The following TMEM117 variants were observed in gnomAD, a reference collection of about 807,000 sequenced individuals.
TMEM117 encodes the protein transmembrane protein 117.
Under a neutral mutation model 52.4 loss-of-function variants are expected in TMEM117, and 27 were observed. The ratio of observed to expected loss-of-function variants is 0.51; its 90% confidence interval spans 0.38 to 0.71. TMEM117 has a LOEUF of 0.71. TMEM117 is among the 30% of genes least tolerant of loss of function. The pLI is 0.00. For missense variants in TMEM117, 556 were observed against 630.5 expected (o/e 0.88, Z 1.26); for synonymous variants, 215 against 206.3 (o/e 1.04, Z -0.36).
chr12:43,926,824 TTTC>T, intron 2 of TMEM117, among the ~76,000 whole-genome samples: 1 of 152,270 alleles, frequency 6.6e-6, no homozygotes, highest in Middle Eastern at 3.4e-3. Flanking sequence ...TTATCTCTTT[TTTC>T]TTCATCAGTC....
Position 44,130,755 on chromosome 12 carries a change from TG to T in TMEM117, c.411-12769del, listed in dbSNP as rs1400838868. Among the ~76,000 whole-genome samples the T allele has an allele frequency of 1.6e-4, 24 of 152,160 alleles. No homozygotes were observed. The East Asian group carries it at 1.7e-3, about 11-fold the overall frequency. On this transcript the variant is annotated intron_variant, in intron 3 of 7. Coordinates refer to ENST00000266534, the MANE Select transcript of TMEM117 (RefSeq NM_032256.3). ...TATGTACATTTTGGTAATTTGTAAA[TG>T]TTTTTTTTTCTAGAAACTTACTGAT...
Position 43,944,190 on chromosome 12 carries a change from T to A in TMEM117, c.278-20T>A. ...TTGAGTTACAGTGTACATTAATTTT[T>A]AATAATATTTGTATTTCAGGTCAGT... On this transcript the variant is annotated intron_variant, in intron 2 of 7. Transcript: ENST00000266534. 6.3e-7 allele frequency: 1 copy of A among 1,597,698 alleles called. No homozygotes were observed. The highest frequency in any genetic ancestry group is 8.5e-7 in the Non-Finnish European group (1 of 1,172,160).
chr12:44,165,468 T>C (rs1948953501), intron 4 of TMEM117, among the ~76,000 whole-genome samples: 1 of 152,176 alleles, frequency 6.6e-6, no homozygotes, highest in African/African-American at 2.4e-5. Flanking sequence ...CCAAACTATA[T>C]GCAGCCTAAA....
chr12:43,887,209 A>C (rs555986153), intron 2 of TMEM117, among the ~76,000 whole-genome samples: 1 of 152,228 alleles, frequency 6.6e-6, no homozygotes, highest in South Asian at 2.1e-4. Flanking sequence ...TTTTTACCTA[A>C]AGCAAGAAGC....
At chr12:43,915,102 A>G (rs1031557112) in intron 2 of TMEM117, among the ~76,000 whole-genome samples, 4 of 152,108 alleles carry the variant, frequency 2.6e-5, no homozygotes, top group Admixed American at 2.0e-4. Flanking sequence ...TTGCTTCCAC[A>G]TGGTTTCAGT....
intron 5 of TMEM117, among the ~76,000 whole-genome samples, chr12:44,246,520 A>T (rs1291860264): frequency 1.3e-5 from 2 of 152,182 alleles, no homozygotes; most frequent in African/African-American, 2.4e-5. Context: ...TTCAGATAAG[A>T]TGTTTAGTGT....
chr12:43,801,985 G>A, the TMEM117 span, among the ~76,000 whole-genome samples: 1 of 152,254 alleles, frequency 6.6e-6, no homozygotes, highest in East Asian at 1.9e-4. Context: ...AGCCGAAACT[G>A]CACCACAGCA....
rs375158643 is a variant in TMEM117 at position 44,338,122 on chromosome 12, C to T, written c.768+38383C>T. On this transcript the variant is annotated intron_variant, in intron 6 of 7. Coordinates refer to ENST00000266534, the MANE Select transcript of TMEM117 (RefSeq NM_032256.3). ...AAGCAGAATATTTTTAAAAACAGAC[C>T]TTGACCCTCTCCACAACTGATGAAT... Among the ~76,000 whole-genome samples, 50 of 151,956 alleles carry T rather than the reference C, an allele frequency of 3.3e-4. No homozygotes were observed. In the South Asian group the frequency reaches 9.3e-3, roughly 28 times the overall value.
chr12:44,240,753 A>G (rs753635877), intron 5 of TMEM117, among the ~76,000 whole-genome samples: 9 of 152,080 alleles, frequency 5.9e-5, no homozygotes, highest in African/African-American at 2.2e-4. Flanking sequence ...AAAAAACATA[A>G]TTTATTAAGC....
At chr12:43,911,950 G>A (rs1424833402) in intron 2 of TMEM117, among the ~76,000 whole-genome samples, 1 of 120,020 alleles carries the variant, frequency 8.3e-6, no homozygotes, top group Non-Finnish European at 1.8e-5. Context: ...GATTCCTCAG[G>A]GATCTAGAAC....
intron 5 of TMEM117, among the ~76,000 whole-genome samples, chr12:44,237,276 T>G (rs1229801567): frequency 6.6e-6 from 1 of 152,106 alleles, no homozygotes; most frequent in Non-Finnish European, 1.5e-5. Context: ...CGTCATTTCT[T>G]CAGTAAAGGC....
chr12:44,388,501 A>C lies in TMEM117; in HGVS notation c.1374A>C (p.Glu458Asp). 4 of 1,613,568 alleles carry C rather than the reference A, an allele frequency of 2.5e-6. No homozygotes were observed. Among genetic ancestry groups the C allele is most frequent in the Non-Finnish European group, 3.4e-6 (4 of 1,179,664 alleles). ...GAGAAAACACCCAGGCTTCAGTAGA[A>C]GACCCCTTGAATGACCCTTCTTTGG... ...ITRENTQASV[E>D]DPLNDPSLVC... Residue 458 changes from glutamate to aspartate, a missense_variant, in exon 8 of 8, where the codon GAA becomes GAC. Physicochemically the swap from Glu to Asp is conservative, Grantham distance 45 (BLOSUM62 2). Transcript: ENST00000266534.
chr12:44,063,412 A>T (rs1947169879), intron 3 of TMEM117, among the ~76,000 whole-genome samples: 1 of 152,186 alleles, frequency 6.6e-6, no homozygotes, highest in South Asian at 2.1e-4. Flanking sequence ...AGTTGAAAAA[A>T]GAAAGTTCCT....
At chr12:44,015,893 T>C (rs991742574) in intron 3 of TMEM117, among the ~76,000 whole-genome samples, 13 of 152,164 alleles carry the variant, frequency 8.5e-5, no homozygotes, top group African/African-American at 2.4e-4. Context: ...TTAGATATAA[T>C]GGGATTTAAG....
rs567431423 is a variant in TMEM117 at position 44,331,239 on chromosome 12, C to T, written c.768+31500C>T. 2.6e-5 allele frequency among the ~76,000 whole-genome samples: 4 copies of T among 151,472 alleles called. No homozygotes were observed. The South Asian group carries it at 8.3e-4, about 32-fold the overall frequency. ...TTTTTGTTGGCAGCAGGTGAGCCAC[C>T]TTAGTAGTACTATTTAAACTCTTTG... On this transcript the variant is annotated intron_variant, in intron 6 of 7. Coordinates refer to ENST00000266534, the MANE Select transcript of TMEM117 (RefSeq NM_032256.3).
chr12:44,239,249 T>C (rs1240349028), intron 5 of TMEM117, among the ~76,000 whole-genome samples: 2 of 152,152 alleles, frequency 1.3e-5, no homozygotes, highest in African/African-American at 4.8e-5. Flanking sequence ...TGGGTGAAAA[T>C]GTTGAACAGA....
intron 3 of TMEM117, among the ~76,000 whole-genome samples, chr12:44,114,580 G>T (rs186704879): frequency 2.3e-4 from 35 of 152,206 alleles, no homozygotes; most frequent in Non-Finnish European, 2.4e-4. Context: ...TTTCTAGTTT[G>T]TTCAGTAGCC....
intron 5 of TMEM117, among the ~76,000 whole-genome samples, chr12:44,223,557 G>T (rs1423634185): frequency 6.6e-6 from 1 of 151,978 alleles, no homozygotes; most frequent in Non-Finnish European, 1.5e-5. Flanking sequence ...TACTTATTTT[G>T]TACACATGGT....
intron 3 of TMEM117, among the ~76,000 whole-genome samples, chr12:44,027,463 C>T (rs977306176): frequency 1.3e-5 from 2 of 152,082 alleles, no homozygotes; most frequent in African/African-American, 4.8e-5. Context: ...CATGAGCCAT[C>T]GCATCTGGCC....
Sources: gnomAD v4.1 joint callset for allele counts (sites outside exome capture counted in the v4.1 genomes callset) on GRCh38, gnomAD v4.1.1 for gene constraint, MANE v1.5 for transcripts, NCBI Gene and HGNC (gene_info 2026-07-23, HGNC 2026-07-21) for gene names.